Variants in TRMT11 observed in about 807,000 individuals in gnomAD.
The protein encoded by TRMT11 is tRNA methyltransferase 11, also known as tRNA (guanine(10)-N(2))-methyltransferase TRMT11.
In TRMT11, 53 loss-of-function variants were observed where a neutral mutation model predicts 62.8. The ratio of observed to expected loss-of-function variants is 0.84; its 90% CI spans 0.68 to 1.06. TRMT11 has a LOEUF of 1.06. Ranked by LOEUF, TRMT11 falls within the 50% of genes least tolerant of loss-of-function variation. The pLI, the probability that TRMT11 is intolerant of heterozygous loss-of-function variation, is 0.00. For missense variants in TRMT11, 556 were observed against 553.4 expected (o/e 1.00, Z -0.05); for synonymous variants, 188 against 190.3 (o/e 0.99, Z 0.10).
chr6:126,079,805 G>A (rs1027817730), intron 17 of TRMT11, among the ~76,000 whole-genome samples: 1 of 152,176 alleles, frequency 6.6e-6, no homozygotes, highest in Admixed American at 6.5e-5. Context: ...TCCGTGGTAA[G>A]CTAACTATGA....
intron 3 of TRMT11, among the ~76,000 whole-genome samples, chr6:125,997,411 A>C (rs1397936513): frequency 6.6e-6 from 1 of 152,268 alleles, no homozygotes; most frequent in Non-Finnish European, 1.5e-5. Context: ...AGCATGCGAC[A>C]AAAAGGTGAA....
chr6:126,145,357 G>T (rs977317187), intron 21 of TRMT11, among the ~76,000 whole-genome samples: 1 of 152,114 alleles, frequency 6.6e-6, no homozygotes, highest in African/African-American at 2.4e-5. Context: ...ACAGAGAAAT[G>T]GTAGAAAATA....
intron 19 of TRMT11, among the ~76,000 whole-genome samples, chr6:126,115,045 G>A (rs907044245): frequency 2.0e-5 from 3 of 151,956 alleles, no homozygotes; most frequent in African/African-American, 7.3e-5. Context: ...ATCATTTATT[G>A]CTGCACGTGT....
chr6:126,232,254 T>C, the TRMT11 span, among the ~76,000 whole-genome samples: 1 of 152,076 alleles, frequency 6.6e-6, no homozygotes, highest in Non-Finnish European at 1.5e-5. Flanking sequence ...TAAGATGACC[T>C]GGACTGTCCT....
At position 126,156,284 on chromosome 6, in the gene TRMT11, C is replaced by T. The variant is rs188812121; in HGVS notation, c.*1824-18541C>T. ...GGGTGGAGGACCCCCTCCCACAGCTCCACTAGGCAGTGTCATTGTGGGGAC... is the reference window on the plus strand; with the variant it reads ...GGGTGGAGGACCCCCTCCCACAGCTTCACTAGGCAGTGTCATTGTGGGGAC... On this transcript the variant is annotated intron_variant and NMD_transcript_variant, in intron 21 of 22. Transcript: ENST00000648977. 8.5e-5 allele frequency among the ~76,000 whole-genome samples: 13 copies of T among 152,308 alleles called. No individual in the cohort carries two copies. In the East Asian group the frequency reaches 2.3e-3, roughly 27 times the overall value.
chr6:126,114,238 A>T (rs1777563753), intron 18 of TRMT11, among the ~76,000 whole-genome samples: 1 of 152,050 alleles, frequency 6.6e-6, no homozygotes, highest in Non-Finnish European at 1.5e-5. Flanking sequence ...TAACAGTTTG[A>T]AAGTTATTGT....
Position 126,008,415 on chromosome 6 carries a change from C to G in TRMT11, c.703C>G (p.His235Asp), listed in dbSNP as rs112311077. 6.2e-7 allele frequency: 1 copy of G among 1,613,092 alleles called. No homozygotes were observed. The highest frequency in any genetic ancestry group is 8.5e-7 in the Non-Finnish European group (1 of 1,179,236). ...GTGGLLIACA[H>D]FGAYVYGTDI... ...AGGTGGCCTGCTGATAGCATGTGCT[C>G]ATTTTGGTGCATATGTGTATGGGAC... Residue 235 changes from histidine to aspartate, a missense_variant, in exon 8 of 13, where the codon CAT becomes GAT. Transcript: ENST00000334379.
intron 3 of TRMT11, among the ~76,000 whole-genome samples, chr6:125,996,971 T>C (rs1366422927): frequency 6.6e-6 from 1 of 152,204 alleles, no homozygotes; most frequent in Non-Finnish European, 1.5e-5. Flanking sequence ...TAAAAATGAC[T>C]AGAAAACAGA....
chr6:126,171,039 G>A (rs1418614573), intron 21 of TRMT11, among the ~76,000 whole-genome samples: 1 of 152,088 alleles, frequency 6.6e-6, no homozygotes, highest in Admixed American at 6.5e-5. Context: ...ATTTAACTTT[G>A]ACCTCCTTTA....
intron 21 of TRMT11, among the ~76,000 whole-genome samples, chr6:126,159,476 A>G (rs1211289286): frequency 6.6e-6 from 1 of 152,238 alleles, no homozygotes. Context: ...TCCCTAGAGG[A>G]TAGCAGAGCC....
intron 17 of TRMT11, among the ~76,000 whole-genome samples, chr6:126,084,053 AGGAGTGCAGGTAT>A (rs1777188064): frequency 6.6e-6 from 1 of 152,182 alleles, no homozygotes. Flanking sequence ...CAATGAATAC[AGGAGTGCAGGTAT>A]CTTTACAAGG....
intron 17 of TRMT11, among the ~76,000 whole-genome samples, chr6:126,101,159 C>T (rs1268185234): frequency 1.3e-5 from 2 of 152,080 alleles, no homozygotes; most frequent in East Asian, 3.9e-4. Flanking sequence ...TGGTCTGTGG[C>T]CCAGGGGTAG....
At chr6:126,228,098 G>A in the TRMT11 span, among the ~76,000 whole-genome samples, 1 of 152,234 alleles carries the variant, frequency 6.6e-6, no homozygotes, top group Non-Finnish European at 1.5e-5. Flanking sequence ...AGCCAGCAGT[G>A]TGGTCAGTCT....
At chr6:126,212,558 T>A in the TRMT11 span, among the ~76,000 whole-genome samples, 1 of 152,192 alleles carries the variant, frequency 6.6e-6, no homozygotes, top group African/African-American at 2.4e-5. Flanking sequence ...ACTTTTCTTA[T>A]ATCTGTTTGC....
In TRMT11 at chr6:126,080,090, TTTGTTGTTG is replaced by T. The variant is rs140821748; in HGVS notation, c.*1437+26915_*1437+26923del. Among the ~76,000 whole-genome samples, 12 of 151,266 alleles carry T rather than the reference TTTGTTGTTG, an allele frequency of 7.9e-5. No individual in the cohort carries two copies. The East Asian group carries it at 1.9e-3, about 25-fold the overall frequency. ...AAAAGAAAACCAACTCTAGTTCTGTTTTGTTGTTGTTGTTGTTGTTGTTTTTTTAGAGAC... is the reference window on the plus strand; with the variant it reads ...AAAAGAAAACCAACTCTAGTTCTGTTTTGTTGTTGTTGTTTTTTTAGAGAC... On this transcript the variant is annotated intron_variant and NMD_transcript_variant, in intron 17 of 22. Transcript: ENST00000648977.
chr6:126,230,918 G>T, the TRMT11 span, among the ~76,000 whole-genome samples: 3 of 152,148 alleles, frequency 2.0e-5, no homozygotes, highest in Non-Finnish European at 4.4e-5. Context: ...CGTCCTCATT[G>T]TGAGATTCAT....
At chr6:126,103,578 A>T (rs1022065276) in intron 17 of TRMT11, among the ~76,000 whole-genome samples, 1 of 151,990 alleles carries the variant, frequency 6.6e-6, no homozygotes, top group Non-Finnish European at 1.5e-5. Context: ...CTGCTTCCAA[A>T]CTCACTTAGG....
intron 21 of TRMT11, among the ~76,000 whole-genome samples, chr6:126,154,753 T>C (rs1247017829): frequency 6.6e-6 from 1 of 152,330 alleles, no homozygotes; most frequent in Non-Finnish European, 1.5e-5. Flanking sequence ...GGGACATGAC[T>C]TTGATTTTTT....
chr6:126,140,043 A>G (rs533756214), intron 21 of TRMT11, among the ~76,000 whole-genome samples: 1 of 152,212 alleles, frequency 6.6e-6, no homozygotes, highest in East Asian at 1.9e-4. Context: ...TACTTATTAC[A>G]TATTTCCACT....
Sources: allele counts gnomAD v4.1 joint callset (sites outside exome capture counted in the v4.1 genomes callset), GRCh38; gene constraint gnomAD v4.1.1; transcripts MANE v1.5; gene names NCBI Gene and HGNC (gene_info 2026-07-23, HGNC 2026-07-21).